Variants in SPAG9 observed in about 807,000 individuals in gnomAD.
SPAG9 encodes the protein sperm associated antigen 9.
Under a neutral mutation model 166.5 loss-of-function variants are expected in SPAG9, and 35 were observed. The observed-to-expected ratio is 0.21, with a 90% CI of 0.16 to 0.28. SPAG9 has a LOEUF of 0.28. SPAG9 is among the 10% of genes least tolerant of loss of function. The pLI, the probability that SPAG9 is intolerant of heterozygous loss-of-function variation, is 1.00. For missense variants in SPAG9, 1,235 were observed against 1,603.3 expected, an observed-to-expected ratio of 0.77 and a Z score of 3.92; for synonymous variants, 534 against 565.5, an observed-to-expected ratio of 0.94 and a Z score of 0.79.
chr17:50,986,023 T>G (rs1489911419), intron 22 of SPAG9, among the ~76,000 whole-genome samples: 2 of 152,246 alleles, frequency 1.3e-5, no homozygotes, highest in Non-Finnish European at 2.9e-5. Flanking sequence ...ACTAGTGCAA[T>G]GCACAGTCAG....
intron 4 of SPAG9, chr17:51,047,087 T>C: frequency 3.2e-6 from 1 of 311,968 alleles, no homozygotes; most frequent in Non-Finnish European, 4.7e-6. Flanking sequence ...TATTTCAGCA[T>C]TCCCATAAAT....
intron 9 of SPAG9, among the ~76,000 whole-genome samples, chr17:51,009,789 C>T (rs886622990): frequency 5.9e-5 from 9 of 151,728 alleles, no homozygotes; most frequent in South Asian, 2.1e-4. Flanking sequence ...GCATGAGACC[C>T]GGATGAAGTA....
At chr17:51,086,489 T>TAA (rs554092261) in intron 1 of SPAG9, among the ~76,000 whole-genome samples, 1 of 134,292 alleles carries the variant, frequency 7.4e-6, no homozygotes, top group Non-Finnish European at 1.6e-5. Flanking sequence ...GAAAACACGA[T>TAA]AAAAAAAAAA....
At chr17:51,102,093 C>T (rs920569751) in intron 1 of SPAG9, among the ~76,000 whole-genome samples, 2 of 152,010 alleles carry the variant, frequency 1.3e-5, no homozygotes, top group Non-Finnish European at 2.9e-5. Flanking sequence ...TTAGAAAGGT[C>T]TAACATGGGC....
At chr17:51,078,075 A>G (rs1330455008) in intron 2 of SPAG9, among the ~76,000 whole-genome samples, 2 of 152,160 alleles carry the variant, frequency 1.3e-5, no homozygotes, top group Non-Finnish European at 2.9e-5. Flanking sequence ...GATTACAGCC[A>G]TGAGCCATCA....
At chr17:51,062,404 A>T (rs1286177266) in intron 2 of SPAG9, among the ~76,000 whole-genome samples, 1 of 152,190 alleles carries the variant, frequency 6.6e-6, no homozygotes, top group Non-Finnish European at 1.5e-5. Flanking sequence ...TCACTGCCTT[A>T]AAAATCCTGT....
intron 12 of SPAG9, 98 bp from the exon 13 acceptor site, chr17:51,001,943 C>A: frequency 1.7e-6 from 2 of 1,152,436 alleles, no homozygotes; most frequent in African/African-American, 1.6e-5. Context: ...TTAAGCATTC[C>A]TTAATTTTTA....
In SPAG9 at chr17:50,985,615, T is replaced by C. The variant is rs538507843; in HGVS notation, c.3020+83A>G. The C allele has an allele frequency of 1.2e-4, 90 of 721,792 alleles. No individual in the cohort carries two copies. The East Asian group carries it at 2.4e-3, about 19-fold the overall frequency. 44.7% of individuals were successfully genotyped at this position (721,792 alleles called of 1,614,324 possible). ...TGGATACTAATTTAGTCGTGAAACATGTATTAGCTTTCAAAGTCTTAAAAT... is the reference window on the plus strand; with the variant it reads ...TGGATACTAATTTAGTCGTGAAACACGTATTAGCTTTCAAAGTCTTAAAAT... On this transcript the variant is annotated intron_variant, in intron 23 of 29. Transcript: ENST00000262013.
Position 50,970,695 on chromosome 17 carries a change from C to T in SPAG9, c.3850+12G>A, listed in dbSNP as rs376934233. ...CACAGTGCAAACTGAGCACCCAGAA[C>T]CAATGACATACCCATTCGGAAGTCG... On this transcript the variant is annotated intron_variant, in intron 29 of 29. Coordinates refer to ENST00000262013, the MANE Select transcript of SPAG9 (RefSeq NM_001130528.3). 6.2e-7 allele frequency: 1 copy of T among 1,612,012 alleles called. No individual in the cohort carries two copies. Among genetic ancestry groups the T allele is most frequent in the African/African-American group, 1.3e-5 (1 of 74,866 alleles).
intron 1 of SPAG9, among the ~76,000 whole-genome samples, chr17:51,096,048 T>TATAC (rs2048637936): frequency 6.9e-6 from 1 of 144,656 alleles, no homozygotes; most frequent in African/African-American, 2.5e-5. Flanking sequence ...GATATATATA[T>TATAC]ATAGTGATAT....
chr17:51,054,116 C>CTTTTT (rs1157639358), intron 3 of SPAG9, among the ~76,000 whole-genome samples: 2 of 73,960 alleles, frequency 2.7e-5, no homozygotes, highest in Non-Finnish European at 4.9e-5. Context: ...AATGTGAGGG[C>CTTTTT]TTTTTTTTTT....
At chr17:51,059,262 C>A (rs1340640903) in intron 2 of SPAG9, among the ~76,000 whole-genome samples, 1 of 152,120 alleles carries the variant, frequency 6.6e-6, no homozygotes, top group Non-Finnish European at 1.5e-5. Context: ...CCCCAGCCCA[C>A]CTCAGTTCAA....
At chr17:51,053,898 T>TATATATATATAA (rs1186528753) in intron 3 of SPAG9, among the ~76,000 whole-genome samples, 15 of 100,162 alleles carry the variant, frequency 1.5e-4, no homozygotes, top group Non-Finnish European at 2.6e-4. Flanking sequence ...TATATATATA[T>TATATATATATAA]AAAACATATA....
chr17:51,017,519 T>TGA (rs60839678), intron 8 of SPAG9, among the ~76,000 whole-genome samples: 2,889 of 147,398 alleles, frequency 0.02, 37 homozygotes, highest in South Asian at 0.06. Flanking sequence ...AGAACCTGTC[T>TGA]GAGAGAGAGA....
At chr17:51,046,490 A>ATCCTTAGTATCCT in intron 4 of SPAG9, 1 of 1,529,800 alleles carries the variant, frequency 6.5e-7, no homozygotes, top group Non-Finnish European at 8.8e-7. Context: ...TCTAAGAGAG[A>ATCCTTAGTATCCT]TGGGAGTACC....
At chr17:51,108,781 G>C (rs1040324806) in intron 1 of SPAG9, among the ~76,000 whole-genome samples, 29 of 152,176 alleles carry the variant, frequency 1.9e-4, no homozygotes, top group African/African-American at 7.0e-4. Context: ...ATAAGCATGA[G>C]CCACTGTGCC....
chr17:51,100,251 G>A (rs1056662351), intron 1 of SPAG9, among the ~76,000 whole-genome samples: 3 of 152,202 alleles, frequency 2.0e-5, no homozygotes. Flanking sequence ...GTTAAGGATG[G>A]TTAAAACTGA....
At chr17:51,008,682 T>A (rs2045328436) in intron 9 of SPAG9, among the ~76,000 whole-genome samples, 1 of 152,116 alleles carries the variant, frequency 6.6e-6, no homozygotes, top group Non-Finnish European at 1.5e-5. Context: ...AAGATCAGGG[T>A]ACTTACACCA....
At chr17:51,029,189 A>C (rs1450682557) in intron 6 of SPAG9, among the ~76,000 whole-genome samples, 1 of 152,242 alleles carries the variant, frequency 6.6e-6, no homozygotes, top group East Asian at 1.9e-4. Flanking sequence ...TTGAAAAAAA[A>C]TAGATGTAAC....
Sources: allele counts gnomAD v4.1 joint callset (sites outside exome capture counted in the v4.1 genomes callset), GRCh38; gene constraint gnomAD v4.1.1; transcripts MANE v1.5; gene names NCBI Gene and HGNC (gene_info 2026-07-23, HGNC 2026-07-21).